GPD1L: variants seen among roughly 807,000 people sequenced by gnomAD.
GPD1L encodes the protein glycerol-3-phosphate dehydrogenase 1 like, also known as glycerol-3-phosphate dehydrogenase 1-like protein.
GPD1L carries 17 observed loss-of-function variants against 32.9 expected under a neutral mutation model. The ratio of observed to expected loss-of-function variants is 0.52; its 90% CI spans 0.35 to 0.78. The LOEUF is 0.78. Among genes scored for constraint, GPD1L ranks in the 30% least tolerant of loss-of-function variants. The pLI, the probability that GPD1L is intolerant of heterozygous loss-of-function variation, is 0.01. For synonymous variants in GPD1L, 187 were observed against 165.9 expected (o/e 1.13, Z -0.98); for missense variants, 361 against 447.8 (o/e 0.81, Z 1.75).
At chr3:32,157,645 A>G (rs1701013656) in intron 5 of GPD1L, among the ~76,000 whole-genome samples, 1 of 152,172 alleles carries the variant, frequency 6.6e-6, no homozygotes, top group South Asian at 2.1e-4. Flanking sequence ...AGTTATTTGT[A>G]CACGTTTTAT....
In GPD1L at chr3:32,159,481, G is replaced by A. The variant is rs59329824; in HGVS notation, c.853-87G>A. 0.3 allele frequency: 211,135 copies of A among 700,450 alleles called. 18,928 individuals carry two copies. Among genetic ancestry groups the A allele is most frequent in the East Asian group, 0.47 (15,571 of 33,402 alleles). The allele number at this position is 700,450 out of a possible 1,614,324, so 43.4% of individuals were successfully genotyped here. A position where few individuals can be genotyped will look rare whatever the true frequency, so the allele number is the denominator to read the frequency against. On this transcript the variant is annotated intron_variant, in intron 6 of 7. Coordinates refer to ENST00000282541, the MANE Select transcript of GPD1L (RefSeq NM_015141.4). Reference sequence around the variant, plus strand: ...CCCATTCTCTAAAAAAAAAAAAAAAGAAAAAAAACACTTAAAAATTAAACA... The same window carrying A: ...CCCATTCTCTAAAAAAAAAAAAAAAAAAAAAAAACACTTAAAAATTAAACA...
intron 2 of GPD1L, among the ~76,000 whole-genome samples, chr3:32,137,586 T>A (rs1700684247): frequency 6.6e-6 from 1 of 152,188 alleles, no homozygotes. Context: ...AAACATAGCC[T>A]TCTTTGCTGG....
intron 7 of GPD1L, among the ~76,000 whole-genome samples, chr3:32,163,448 G>A (rs1350824039): frequency 1.3e-5 from 2 of 152,154 alleles, no homozygotes; most frequent in East Asian, 1.9e-4. Flanking sequence ...GATTACAGGC[G>A]TGAGCCAGCA....
intron 1 of GPD1L, among the ~76,000 whole-genome samples, chr3:32,109,233 G>T (rs1429819180): frequency 6.6e-6 from 1 of 152,194 alleles, no homozygotes; most frequent in African/African-American, 2.4e-5. Context: ...CACCCATTTA[G>T]CACATGTTTT....
intron 1 of GPD1L, among the ~76,000 whole-genome samples, chr3:32,110,335 G>A (rs901092): frequency 0.41 from 61,990 of 152,040 alleles, 14,224 homozygotes; most frequent in East Asian, 0.64. Context: ...AGGAACTTTA[G>A]CCTTTTGCCA....
intron 5 of GPD1L, 40 bp downstream of exon 5, chr3:32,146,774 A>T: frequency 1.8e-6 from 2 of 1,108,924 alleles, no homozygotes; most frequent in Non-Finnish European, 2.8e-6. Flanking sequence ...CAAGCAAGGC[A>T]AATGTTAGCA....
chr3:32,121,487 C>A (rs1395623960), intron 1 of GPD1L, among the ~76,000 whole-genome samples: 1 of 136,792 alleles, frequency 7.3e-6, no homozygotes, highest in African/African-American at 2.8e-5. Context: ...ATATATTTCT[C>A]TCTATATATA....
intron 5 of GPD1L, among the ~76,000 whole-genome samples, chr3:32,156,184 C>A (rs780374322): frequency 1.3e-5 from 2 of 152,170 alleles, no homozygotes; most frequent in Non-Finnish European, 2.9e-5. Context: ...CTGCCTGTTG[C>A]TGAGAGTGTG....
intron 4 of GPD1L, among the ~76,000 whole-genome samples, chr3:32,140,657 G>A (rs1031043405): frequency 5.3e-5 from 8 of 150,466 alleles, no homozygotes; most frequent in African/African-American, 1.8e-4. Flanking sequence ...AAGGTTGCTT[G>A]TACCAAGAAA....
chr3:32,110,301 T>C (rs1442894749), intron 1 of GPD1L, among the ~76,000 whole-genome samples: 2 of 152,238 alleles, frequency 1.3e-5, no homozygotes, highest in Non-Finnish European at 2.9e-5. Context: ...TCATATCCCC[T>C]GAGAATGAGA....
chr3:32,164,259 A>G (rs1324865548), intron 7 of GPD1L, among the ~76,000 whole-genome samples: 1 of 152,218 alleles, frequency 6.6e-6, no homozygotes, highest in Admixed American at 6.5e-5. Context: ...TTCTTGTTTT[A>G]GGAACAGGGA....
At chr3:32,162,490 A>C (rs944338401) in intron 7 of GPD1L, among the ~76,000 whole-genome samples, 1 of 83,568 alleles carries the variant, frequency 1.2e-5, no homozygotes, top group African/African-American at 6.2e-5. Flanking sequence ...GGTTCAAGCC[A>C]TTCTCCTGCC....
chr3:32,131,508 C>T (rs745438515), intron 2 of GPD1L, among the ~76,000 whole-genome samples: 4 of 152,288 alleles, frequency 2.6e-5, no homozygotes, highest in South Asian at 2.1e-4. Context: ...TTACAATATG[C>T]GGTCTTCTGT....
intron 7 of GPD1L, 70 bp from the exon 8 acceptor site, chr3:32,165,744 A>G: frequency 1.2e-6 from 1 of 826,448 alleles, no homozygotes; most frequent in Non-Finnish European, 2.1e-6. Context: ...GTTAGGACAG[A>G]AAACCTAACT....
At chr3:32,111,815 C>G (rs1193785446) in intron 1 of GPD1L, among the ~76,000 whole-genome samples, 1 of 143,830 alleles carries the variant, frequency 7.0e-6, no homozygotes, top group Non-Finnish European at 1.5e-5. Context: ...GTGACTCTGT[C>G]TTTTTTTTTT....
rs995309975 is a variant in GPD1L at position 32,121,617 on chromosome 3, A to C, written c.48-6459A>C. On this transcript the variant is annotated intron_variant, in intron 1 of 7. Coordinates refer to ENST00000282541, the MANE Select transcript of GPD1L (RefSeq NM_015141.4). ...TATATATATTTCTATATATATTTCTATATATATTATATATATTTCTATATA... is the reference window on the plus strand; with the variant it reads ...TATATATATTTCTATATATATTTCTCTATATATTATATATATTTCTATATA... 9.1e-5 allele frequency among the ~76,000 whole-genome samples: 7 copies of C among 77,308 alleles called. 2 individuals carry two copies. Among genetic ancestry groups the C allele is most frequent in the African/African-American group, 4.1e-4 (5 of 12,256 alleles). 50.7% of individuals were successfully genotyped at this position (77,308 alleles called of 152,430 possible). A position where few individuals can be genotyped will look rare whatever the true frequency, so the allele number is the denominator to read the frequency against.
At position 32,138,579 on chromosome 3, in the gene GPD1L, G is replaced by C. The variant is rs1370597954; in HGVS notation, c.226-8G>C. The C allele has an allele frequency of 6.2e-7, 1 of 1,613,754 alleles. No individual in the cohort carries two copies. Among genetic ancestry groups the C allele is most frequent in the African/African-American group, 1.3e-5 (1 of 74,892 alleles). ...GGAGAAACGGTCTTCTCTGCCTTTT[G>C]GTTGCAGGTTGCCATGTCAAATCTT... On this transcript the variant is annotated splice_region_variant and splice_polypyrimidine_tract_variant and intron_variant, in intron 2 of 7. Coordinates refer to ENST00000282541, the MANE Select transcript of GPD1L (RefSeq NM_015141.4).
At chr3:32,138,460 T>G in intron 2 of GPD1L, 127 bp from the exon 3 acceptor site, 1 of 912,260 alleles carries the variant, frequency 1.1e-6, no homozygotes, top group Admixed American at 1.7e-5. Flanking sequence ...ACACTTGCCT[T>G]CCTTGTCTAT....
chr3:32,146,937 T>C (rs993037709), intron 5 of GPD1L, among the ~76,000 whole-genome samples: 1 of 152,232 alleles, frequency 6.6e-6, no homozygotes, highest in African/African-American at 2.4e-5. Flanking sequence ...TTGCTTTAAC[T>C]TGTAAATATG....
Sources: allele counts gnomAD v4.1 joint callset (sites outside exome capture counted in the v4.1 genomes callset), GRCh38; gene constraint gnomAD v4.1.1; transcripts MANE v1.5; gene names NCBI Gene and HGNC (gene_info 2026-07-23, HGNC 2026-07-21).